Variants in KIF1B observed in about 807,000 individuals in gnomAD.
KIF1B encodes the protein kinesin family member 1B.
A neutral mutation model predicts 241.9 loss-of-function variants in KIF1B; 76 were observed. That is an observed-to-expected ratio of 0.31 (90% CI 0.26 to 0.38). KIF1B has a LOEUF of 0.38. Ranked by LOEUF, KIF1B falls within the 10% of genes least tolerant of loss-of-function variation. The probability of loss-of-function intolerance (pLI) is 1.00; values close to 1 mark genes in which losing one functional copy is unlikely to be tolerated. For missense variants in KIF1B, 1,622 were observed against 2,271.4 expected, an observed-to-expected ratio of 0.71 and a Z score of 5.81; for synonymous variants, 750 against 796.7, an observed-to-expected ratio of 0.94 and a Z score of 0.99.
At chr1:10,306,219 A>T in intron 22 of KIF1B, 1 of 1,041,110 alleles carries the variant, frequency 9.6e-7, no homozygotes, top group Non-Finnish European at 1.2e-6. Flanking sequence ...AGAACAGTTG[A>T]AGTCTTCAAC....
chr1:10,298,670 G>T (rs1476470792), intron 22 of KIF1B, among the ~76,000 whole-genome samples: 1 of 152,090 alleles, frequency 6.6e-6, no homozygotes, highest in African/African-American at 2.4e-5. Context: ...GCCTCTGATG[G>T]TCTGTGAGAG....
chr1:10,348,772 T>TA, intron 37 of KIF1B, 39 bp downstream of exon 37: 1 of 1,534,774 alleles, frequency 6.5e-7, no homozygotes, highest in Non-Finnish European at 9.0e-7. Context: ...AACCAGGACT[T>TA]ACAGAGATTT....
chr1:10,260,775 G>A (rs1483214154), intron 4 of KIF1B, among the ~76,000 whole-genome samples: 2 of 151,390 alleles, frequency 1.3e-5, no homozygotes, highest in Non-Finnish European at 2.9e-5. Flanking sequence ...GCTGAGGCAG[G>A]AGAATTGCTT....
rs1638927457 is a variant in KIF1B at position 10,377,780 on chromosome 1, T to C, written c.*1193T>C. Reference sequence around the variant, plus strand: ...GATGAAACCCCGTCTCTACTAAAAATACAAAATTAGTCGGGTATGGTGGCA... The same window carrying C: ...GATGAAACCCCGTCTCTACTAAAAACACAAAATTAGTCGGGTATGGTGGCA... On this transcript the variant is annotated 3_prime_UTR_variant, in exon 49 of 49. Transcript: ENST00000676179. The C allele has an allele frequency of 1.6e-5, 3 of 183,732 alleles. No homozygotes were observed. Among genetic ancestry groups the C allele is most frequent in the East Asian group, 1.8e-4 (2 of 11,096 alleles). 11.4% of individuals were successfully genotyped at this position (183,732 alleles called of 1,614,324 possible). A position where few individuals can be genotyped will look rare whatever the true frequency, so the allele number is the denominator to read the frequency against.
Position 10,278,103 on chromosome 1 carries a change from T to A in KIF1B, c.1155T>A (p.Ala385=). The A allele has an allele frequency of 6.2e-7, 1 of 1,614,106 alleles. No homozygotes were observed. The change falls in exon 13 of 49, where the codon GCT becomes GCA. Residue 385 remains alanine (A), a synonymous_variant. Transcript: ENST00000676179. The part of the protein sequence containing the change: ...EVTRLKDLLR[A]QGLGDIIDID... ...CACGGCTGAAGGACCTTCTTCGTGC[T>A]CAGGGCCTGGGAGATATTATTGATA...
In KIF1B at chr1:10,259,795, C is replaced by A. The variant is rs922251827; in HGVS notation, c.363+1123C>A. On this transcript the variant is annotated intron_variant, in intron 4 of 48. Coordinates refer to ENST00000676179, the MANE Select transcript of KIF1B (RefSeq NM_001365951.3). ...GATTGCAGGCATGAGTCACCATGCC[C>A]GGCCTTTAAAATTTTTTTTTTAGAG... Among the ~76,000 whole-genome samples the A allele has an allele frequency of 2.6e-5, 4 of 151,696 alleles. No homozygotes were observed. The East Asian group carries it at 7.8e-4, about 30-fold the overall frequency.
chr1:10,330,354 A>G (rs1046929901), intron 27 of KIF1B, among the ~76,000 whole-genome samples: 10 of 152,364 alleles, frequency 6.6e-5, no homozygotes, highest in Admixed American at 4.6e-4. Flanking sequence ...AGGGAAATCT[A>G]TAATAATGGC....
At chr1:10,290,416 G>A (rs540887320) in intron 15 of KIF1B, among the ~76,000 whole-genome samples, 1 of 152,280 alleles carries the variant, frequency 6.6e-6, no homozygotes, top group African/African-American at 2.4e-5. Context: ...GTTGTGTTCA[G>A]GAGGTTAGTG....
intron 22 of KIF1B, among the ~76,000 whole-genome samples, chr1:10,318,751 A>G (rs1472649436): frequency 6.6e-6 from 1 of 152,140 alleles, no homozygotes; most frequent in Non-Finnish European, 1.5e-5. Flanking sequence ...CTGGCAGTAA[A>G]TCTTAAAATG....
At chr1:10,312,747 C>G (rs757505872) in intron 22 of KIF1B, among the ~76,000 whole-genome samples, 4 of 151,578 alleles carry the variant, frequency 2.6e-5, no homozygotes, top group Non-Finnish European at 5.9e-5. Context: ...GTCTCCCATT[C>G]TTCTCCCTGG....
chr1:10,350,169 G>T (rs1652738499), intron 37 of KIF1B, among the ~76,000 whole-genome samples: 2 of 151,296 alleles, frequency 1.3e-5, no homozygotes, highest in African/African-American at 4.9e-5. Context: ...GGCGCCTGTA[G>T]TCCCAGGTAC....
chr1:10,296,361 A>G (rs918885419), intron 19 of KIF1B, among the ~76,000 whole-genome samples: 3 of 152,162 alleles, frequency 2.0e-5, no homozygotes, highest in African/African-American at 4.8e-5. Context: ...GGTTTATCAA[A>G]TAGAGTTAAA....
chr1:10,216,907 A>G (rs984344021), intron 1 of KIF1B, among the ~76,000 whole-genome samples: 10 of 148,678 alleles, frequency 6.7e-5, no homozygotes, highest in African/African-American at 2.5e-4. Context: ...AATCTGTAGG[A>G]ACTCGCAGTA....
chr1:10,250,701 C>T lies in KIF1B; in HGVS notation c.107-5546C>T, dbSNP rs1256276684. Among the ~76,000 whole-genome samples the T allele has an allele frequency of 2.0e-5, 3 of 152,068 alleles. No homozygotes were observed. In the East Asian group the frequency reaches 5.8e-4, roughly 29 times the overall value. Reference sequence around the variant, plus strand: ...TTTGGCTTGGCATGGTAGTGCACACCTATAGGCCCAATTACTTGGGAGGCA... The same window carrying T: ...TTTGGCTTGGCATGGTAGTGCACACTTATAGGCCCAATTACTTGGGAGGCA... On this transcript the variant is annotated intron_variant, in intron 2 of 48. Transcript: ENST00000676179.
chr1:10,231,519 G>A (rs753653602), intron 1 of KIF1B, among the ~76,000 whole-genome samples: 12 of 151,014 alleles, frequency 7.9e-5, no homozygotes, highest in Non-Finnish European at 8.8e-5. Flanking sequence ...CCCTAGTAGC[G>A]GGGATCACAG....
chr1:10,305,194 G>T lies in KIF1B; in HGVS notation c.2115+7948G>T, dbSNP rs1474638006. The stretch of plus-strand genomic sequence containing the variant: ...AGAATTTTCGTAAGCCAAAACTAAA[G>T]GTCTTCAAACATATCTTGCAATACA... On this transcript the variant is annotated intron_variant, in intron 22 of 48. Transcript: ENST00000676179. The T allele has an allele frequency of 2.9e-6, 3 of 1,047,108 alleles. 1 individual carries two copies. The highest frequency in any genetic ancestry group is 3.5e-6 in the Non-Finnish European group (3 of 867,838). 64.9% of individuals were successfully genotyped at this position (1,047,108 alleles called of 1,614,324 possible). A position where few individuals can be genotyped will look rare whatever the true frequency, so the allele number is the denominator to read the frequency against.
Position 10,243,445 on chromosome 1 carries a change from G to GA in KIF1B, c.106+11017dup, listed in dbSNP as rs140219964. 5.4e-4 allele frequency among the ~76,000 whole-genome samples: 82 copies of GA among 152,176 alleles called. 2 individuals are homozygous for GA. Among genetic ancestry groups the GA allele is most frequent in the African/African-American group, 1.8e-3 (75 of 41,522 alleles). ...AAAAACAATTGCCTTTTAGTGGGGG[G>GA]AAAAAATACCATAATTAGTAATTAA... is the stretch of plus-strand genomic sequence containing the variant. On this transcript the variant is annotated intron_variant, in intron 2 of 48. Transcript: ENST00000676179.
intron 15 of KIF1B, among the ~76,000 whole-genome samples, chr1:10,284,512 C>T (rs534510423): frequency 2.4e-4 from 37 of 151,938 alleles, no homozygotes; most frequent in Non-Finnish European, 5.0e-4. Context: ...ATGGTGAAAC[C>T]CCATCTCAAC....
At chr1:10,318,054 C>G (rs114126750) in intron 22 of KIF1B, among the ~76,000 whole-genome samples, 2,902 of 151,270 alleles carry the variant, frequency 0.019, 50 homozygotes, top group Non-Finnish European at 0.028. Flanking sequence ...GACCCCAAAC[C>G]CAAGCCTCTT....
Sources: gnomAD v4.1 joint callset for allele counts (sites outside exome capture counted in the v4.1 genomes callset) on GRCh38, gnomAD v4.1.1 for gene constraint, MANE v1.5 for transcripts, NCBI Gene and HGNC (gene_info 2026-07-23, HGNC 2026-07-21) for gene names.